The following XKRX variants were observed in gnomAD, a reference collection of about 807,000 sequenced individuals.
The protein encoded by XKRX is XK-related protein 2.
XKRX carries 11 observed loss-of-function variants against 22.4 expected under a neutral mutation model. That is an observed-to-expected ratio of 0.49 (90% CI 0.31 to 0.81). The LOEUF (loss-of-function observed/expected upper bound fraction) is 0.81, where lower values mean the gene tolerates loss of function less well. Among genes scored for constraint, XKRX ranks in the 40% least tolerant of loss-of-function variants. The pLI is 0.05. For missense variants in XKRX, 320 were observed against 336.5 expected (o/e 0.95, Z 0.38); for synonymous variants, 114 against 132.2 (o/e 0.86, Z 0.94).
At chrX:100,923,113 G>A in intron 1 of XKRX, 52 bp from the exon 2 acceptor site, 2 of 1,179,099 alleles carry the variant, frequency 1.7e-6, no homozygotes, top group Non-Finnish European at 2.3e-6. Flanking sequence ...TGGGAAGGGA[G>A]GTTGTAGTGA....
At position 100,928,252 on chromosome X, in the gene XKRX, G is replaced by A; in HGVS notation, c.53C>T (p.Ser18Phe). Reference sequence around the variant, plus strand: ...TCCACGGATGACATCTTCCTCCAGAGATGAAACCGGATCCACATTTGGCTC... The same window carrying A: ...TCCACGGATGACATCTTCCTCCAGAAATGAAACCGGATCCACATTTGGCTC... ...PEEPNVDPVSSLEEDVIRGAN... is the reference protein window; with the variant it reads ...PEEPNVDPVSFLEEDVIRGAN... Residue 18 changes from serine to phenylalanine, a missense_variant, in exon 1 of 3, where the codon TCT (serine) becomes TTT (phenylalanine). Ser to Phe is a radical substitution (Grantham distance 155). Coordinates refer to ENST00000372956, the MANE Select transcript of XKRX (RefSeq NM_212559.3). The A allele has an allele frequency of 8.3e-7, 1 of 1,211,371 alleles. No homozygotes were observed. The highest frequency in any genetic ancestry group is 1.1e-6 in the Non-Finnish European group (1 of 895,472).
chrX:100,926,501 G>A lies in XKRX; in HGVS notation c.335+1469C>T, dbSNP rs755179791. On this transcript the variant is annotated intron_variant, in intron 1 of 2. Coordinates refer to ENST00000372956, the MANE Select transcript of XKRX (RefSeq NM_212559.3). ...GATATGAAATTTTATAAAGGAGTGAGTTCCATCCTTAATTAGTTTCACAGA... is the reference window on the plus strand; with the variant it reads ...GATATGAAATTTTATAAAGGAGTGAATTCCATCCTTAATTAGTTTCACAGA... 9.8e-5 allele frequency among the ~76,000 whole-genome samples: 11 copies of A among 112,264 alleles called. No homozygotes were observed. In the South Asian group the frequency reaches 4.1e-3, roughly 42 times the overall value.
At chrX:100,949,596 G>T in the XKRX span, among the ~76,000 whole-genome samples, 1 of 110,612 alleles carries the variant, frequency 9.0e-6, no homozygotes, top group Non-Finnish European at 1.9e-5. Context: ...TCAAACTCCT[G>T]ACCTCAGGTG....
downstream of XKRX, among the ~76,000 whole-genome samples, chrX:100,909,341 G>A (rs1301072833): frequency 1.8e-5 from 2 of 111,856 alleles, no homozygotes; most frequent in African/African-American, 6.5e-5. Context: ...GGGAAAAAAT[G>A]TTTGGGATGA....
chrX:100,912,856 G>C (rs953108449), downstream of XKRX, among the ~76,000 whole-genome samples: 12 of 111,647 alleles, frequency 1.1e-4, no homozygotes, highest in African/African-American at 2.9e-4. Flanking sequence ...CGTCCACTGG[G>C]GGTATAGGAA....
chrX:100,899,715 G>A, the XKRX span, among the ~76,000 whole-genome samples: 1 of 112,167 alleles, frequency 8.9e-6, no homozygotes, highest in Non-Finnish European at 1.9e-5. Context: ...TGCACTAGAA[G>A]CAATGTAAAA....
At chrX:100,887,792 G>C in the XKRX span, 6,107 of 952,782 alleles carry the variant, frequency 6.4e-3, 223 homozygotes, top group African/African-American at 0.1. Context: ...TTTGAAGACT[G>C]ACTGTTGTAA....
chrX:100,919,961 T>G (rs1359289432), intron 2 of XKRX, among the ~76,000 whole-genome samples: 1 of 111,818 alleles, frequency 8.9e-6, no homozygotes, highest in African/African-American at 3.2e-5. Flanking sequence ...TGGCATAATT[T>G]GCAATTAGGA....
chrX:100,949,380 G>T, the XKRX span, among the ~76,000 whole-genome samples: 261 of 8,608 alleles, frequency 0.03, 13 homozygotes, highest in East Asian at 0.39. Flanking sequence ...TTTTTTTTTT[G>T]AGAGAGACGG....
At chrX:100,908,225 T>C in the XKRX span, among the ~76,000 whole-genome samples, 1 of 108,817 alleles carries the variant, frequency 9.2e-6, no homozygotes, top group Admixed American at 9.9e-5. Flanking sequence ...CAAGCGATTC[T>C]CATGCCTCAG....
chrX:100,958,273 G>A, the XKRX span, among the ~76,000 whole-genome samples: 17 of 111,701 alleles, frequency 1.5e-4, no homozygotes, highest in Non-Finnish European at 1.5e-4. Context: ...AAAAGAACAC[G>A]GAAACCTTTT....
At chrX:100,910,959 G>T (rs1290386093), downstream of XKRX, 5 of 560,924 alleles carry the variant, frequency 8.9e-6, no homozygotes, top group Non-Finnish European at 1.6e-5. Flanking sequence ...ACTCCACGGG[G>T]ATCAGTACCT....
intron 1 of XKRX, among the ~76,000 whole-genome samples, chrX:100,926,657 A>G (rs2085499206): frequency 9.0e-6 from 1 of 111,506 alleles, no homozygotes; most frequent in Non-Finnish European, 1.9e-5. Context: ...CTGAACTCAT[A>G]AGTTTTGCAA....
At chrX:100,920,915 A>G (rs750656293) in intron 2 of XKRX, among the ~76,000 whole-genome samples, 28 of 109,358 alleles carry the variant, frequency 2.6e-4, no homozygotes, top group African/African-American at 9.0e-4. Flanking sequence ...ACCCACCACC[A>G]CGCCTGGCTG....
the XKRX span, among the ~76,000 whole-genome samples, chrX:100,902,799 G>A: frequency 9.2e-6 from 1 of 109,238 alleles, no homozygotes; most frequent in African/African-American, 3.3e-5. Flanking sequence ...CACCCAGGCT[G>A]GAGTGCAGTG....
the XKRX span, among the ~76,000 whole-genome samples, chrX:100,901,267 A>G: frequency 4.5e-5 from 5 of 112,285 alleles, no homozygotes; most frequent in African/African-American, 1.6e-4. Context: ...AGCAGTCTAT[A>G]AGAAATTCAC....
chrX:100,923,160 T>G, intron 1 of XKRX, 99 bp from the exon 2 acceptor site: 1 of 1,038,383 alleles, frequency 9.6e-7, no homozygotes, highest in Non-Finnish European at 1.3e-6. Context: ...TGCTACTTTA[T>G]TTTATTTTTG....
downstream of XKRX, chrX:100,910,695 C>T (rs1419868783): frequency 2.0e-6 from 1 of 489,274 alleles, no homozygotes; most frequent in Non-Finnish European, 3.4e-6. Flanking sequence ...CTACTGGCAA[C>T]TCTGCGGCCT....
At chrX:100,929,111 G>A, upstream of XKRX, 1 of 112,892 alleles carries the variant, frequency 8.9e-6, no homozygotes, top group East Asian at 2.8e-4. Context: ...AACTTTGCTA[G>A]TGAGAGGCAC....
Sources: gnomAD v4.1 joint callset for allele counts (sites outside exome capture counted in the v4.1 genomes callset) on GRCh38, gnomAD v4.1.1 for gene constraint, MANE v1.5 for transcripts, NCBI Gene and HGNC (gene_info 2026-07-23, HGNC 2026-07-21) for gene names.